The following TTC34 variants were observed in gnomAD, a reference collection of about 807,000 sequenced individuals.
TTC34 encodes tetratricopeptide repeat domain 34, also known as tetratricopeptide repeat protein 34.
TTC34 carries 44 observed loss-of-function variants against 40.7 expected under a neutral mutation model. The ratio of observed to expected loss-of-function variants is 1.08; its 90% CI spans 0.85 to 1.39. The LOEUF (loss-of-function observed/expected upper bound fraction) is 1.39, where lower values mean the gene tolerates loss of function less well. Among genes scored for constraint, TTC34 ranks in the 40% most tolerant of loss-of-function variants. TTC34 has a pLI of 0.00. For synonymous variants in TTC34, 422 were observed against 398.6 expected, an observed-to-expected ratio of 1.06 and a Z score of -0.70; for missense variants, 884 against 838.0, an observed-to-expected ratio of 1.05 and a Z score of -0.68.
intron 6 of TTC34, among the ~76,000 whole-genome samples, chr1:2,673,378 C>T (rs1639770869): frequency 1.5e-5 from 1 of 68,656 alleles, no homozygotes; most frequent in African/African-American, 5.3e-5. Context: ...ATCTGAGGGC[C>T]TGGGTCGGCA....
At chr1:2,790,099 C>T in exon 3 of TTC34, 1 of 398,170 alleles carries the variant, frequency 2.5e-6, no homozygotes, top group Non-Finnish European at 4.4e-6. Flanking sequence ...GGCCCGCATC[C>T]TCGCGGAGCT....
At chr1:2,698,527 C>A (rs917803393) in intron 6 of TTC34, among the ~76,000 whole-genome samples, 2 of 141,854 alleles carry the variant, frequency 1.4e-5, no homozygotes, top group East Asian at 2.0e-4. Context: ...GCACCCCACA[C>A]CCCCAGGTGA....
intron 6 of TTC34, among the ~76,000 whole-genome samples, chr1:2,653,679 A>G (rs1431723678): frequency 1.3e-5 from 2 of 151,786 alleles, no homozygotes; most frequent in South Asian, 4.1e-4. Flanking sequence ...AGCCTGGAAC[A>G]GCACCCACAC....
rs796107170 is a variant in TTC34 at position 2,691,142 on chromosome 1, G to A, written c.2227-45579C>T. ...GACAGCCTGGAACAGAACCCACACC[G>A]CCAGGGGAGTATCTGACAGACTGGA... On this transcript the variant is annotated intron_variant, in intron 6 of 8. Transcript: ENST00000401095. 8.2e-5 allele frequency among the ~76,000 whole-genome samples: 3 copies of A among 36,644 alleles called. 1 individual carries two copies. The highest frequency in any genetic ancestry group is 2.8e-4 in the Admixed American group (1 of 3,568). The allele number at this position is 36,644 out of a possible 152,430, so 24.0% of individuals were successfully genotyped here.
chr1:2,765,791 C>T (rs1641772994), intron 6 of TTC34, among the ~76,000 whole-genome samples: 1 of 24,182 alleles, frequency 4.1e-5, no homozygotes, highest in Non-Finnish European at 6.5e-5. Flanking sequence ...GAGCAGCGCC[C>T]ACACCCCCGG....
At chr1:2,785,913 G>C in exon 5 of TTC34, 2 of 1,536,264 alleles carry the variant, frequency 1.3e-6, no homozygotes, top group South Asian at 1.2e-5. Context: ...GGATGGCCAG[G>C]GCCCTGGCGT....
At chr1:2,791,268 G>A (rs1211117327) in intron 2 of TTC34, among the ~76,000 whole-genome samples, 1 of 152,192 alleles carries the variant, frequency 6.6e-6, no homozygotes, top group African/African-American at 2.4e-5. Context: ...GGGATACTCC[G>A]TGCTGGGCGG....
intron 8 of TTC34, among the ~76,000 whole-genome samples, chr1:2,643,598 C>T (rs1394590624): frequency 3.3e-5 from 5 of 152,020 alleles, no homozygotes; most frequent in African/African-American, 1.2e-4. Context: ...CCCCGCCCAG[C>T]CCGGCCGCCT....
At position 2,752,713 on chromosome 1, in the gene TTC34, G is replaced by T. The variant is rs1439769136; in HGVS notation, c.2226+30896C>A. 4.2e-4 allele frequency among the ~76,000 whole-genome samples: 58 copies of T among 136,930 alleles called. 5 individuals are homozygous for T. In the South Asian group the frequency reaches 0.013, roughly 30 times the overall value. The allele number at this position is 136,930 out of a possible 152,430, so 89.8% of individuals were successfully genotyped here. A position where few individuals can be genotyped will look rare whatever the true frequency, so the allele number is the denominator to read the frequency against. On this transcript the variant is annotated intron_variant, in intron 6 of 8. Transcript: ENST00000401095. ...CATACGCCCAGATGAGCATCTGACA[G>T]CATGGAACAGCACCCTGCACCCCCA...
At position 2,681,092 on chromosome 1, in the gene TTC34, C is replaced by G. The variant is rs1274341682; in HGVS notation, c.2227-35529G>C. ...CAGGCGAGCATCTGACAGCCTAGAG[C>G]AGTGCCCACACCCCCAGGTGAGCAT... is the stretch of plus-strand genomic sequence containing the variant. On this transcript the variant is annotated intron_variant, in intron 6 of 8. Transcript: ENST00000401095. 2.5e-5 allele frequency among the ~76,000 whole-genome samples: 2 copies of G among 79,922 alleles called. 1 individual carries two copies. Among genetic ancestry groups the G allele is most frequent in the Non-Finnish European group, 6.0e-5 (2 of 33,210 alleles). The allele number at this position is 79,922 out of a possible 152,430, so 52.4% of individuals were successfully genotyped here. A position where few individuals can be genotyped will look rare whatever the true frequency, so the allele number is the denominator to read the frequency against.
Position 2,682,129 on chromosome 1 carries a change from C to A in TTC34, c.2227-36566G>T, listed in dbSNP as rs9442450. On this transcript the variant is annotated intron_variant, in intron 6 of 8. Transcript: ENST00000401095. ...CACCCCCAGGTGAGCATCTGACAGC[C>A]TGGAACAGCACCCTGCACCCCCAGG... 6.2e-5 allele frequency among the ~76,000 whole-genome samples: 9 copies of A among 145,820 alleles called. No individual in the cohort carries two copies. The East Asian group carries it at 1.6e-3, about 26-fold the overall frequency.
intron 6 of TTC34, among the ~76,000 whole-genome samples, chr1:2,700,285 A>G (rs1369634499): frequency 3.6e-5 from 3 of 84,446 alleles, no homozygotes; most frequent in Non-Finnish European, 5.4e-5. Context: ...CTGGAGCAGC[A>G]CCCACACCCC....
intron 2 of TTC34, among the ~76,000 whole-genome samples, chr1:2,792,033 T>TTTA (rs1553171534): frequency 0.056 from 5,956 of 107,132 alleles, 915 homozygotes; most frequent in Non-Finnish European, 0.084. Flanking sequence ...TTTTTTTTTT[T>TTTA]AAAGACAGGG....
At chr1:2,695,033 C>CAT (rs1329481240) in intron 6 of TTC34, among the ~76,000 whole-genome samples, 1 of 105,302 alleles carries the variant, frequency 9.5e-6, no homozygotes. Flanking sequence ...GCACCCTGCA[C>CAT]CCCCAGGTGA....
intron 6 of TTC34, among the ~76,000 whole-genome samples, chr1:2,769,267 C>T (rs1191206502): frequency 1.5e-4 from 1 of 6,832 alleles, no homozygotes; most frequent in Admixed American, 9.7e-4. Flanking sequence ...CCCTACACCC[C>T]CAGGGGAGCA....
chr1:2,650,318 G>C (rs1213651390), intron 6 of TTC34, among the ~76,000 whole-genome samples: 1 of 151,128 alleles, frequency 6.6e-6, no homozygotes, highest in African/African-American at 2.4e-5. Context: ...GCATCTGACA[G>C]CCTGGAATGG....
rs527695850 is a variant in TTC34 at position 2,785,729 on chromosome 1, G to A, written c.2059+90C>T. The A allele has an allele frequency of 4.6e-5, 63 of 1,378,340 alleles. No individual in the cohort carries two copies. In the Middle Eastern group the frequency reaches 7.9e-4, roughly 17 times the overall value. The allele number at this position is 1,378,340 out of a possible 1,614,324, so 85.4% of individuals were successfully genotyped here. On this transcript the variant is annotated intron_variant, in intron 5 of 8. Coordinates refer to ENST00000401095, the Ensembl canonical transcript of TTC34. ...AGGCCCCTGCACCTGGGGAGCATGC[G>A]TGTCCCCACCAACCAGCATGGCAGA...
At chr1:2,776,451 G>C (rs1209745706) in intron 6 of TTC34, 1 of 120,056 alleles carries the variant, frequency 8.3e-6, no homozygotes, top group African/African-American at 4.1e-5. Context: ...CTGCCCCCAG[G>C]TGAGCATCTG....
In TTC34 at chr1:2,641,777, G is replaced by GCCCGCAGACGCAGGTGA; in HGVS notation, c.2814_2830dup (p.Ala944ValfsTer51). ...CTCCTGCAACTCGGCCAGGCAGGTGGCCCGCAGACGCAGGTGACAGGCACT... is the reference window on the plus strand; with the variant it reads ...CTCCTGCAACTCGGCCAGGCAGGTGGCCCGCAGACGCAGGTGACCCGCAGACGCAGGTGACAGGCACT... On this transcript the variant is annotated frameshift_variant, in exon 9 of 9. Coordinates refer to ENST00000401095, the Ensembl canonical transcript of TTC34. LOFTEE classifies it low-confidence loss of function (END_TRUNC). 6.5e-7 allele frequency: 1 copy of GCCCGCAGACGCAGGTGA among 1,535,244 alleles called. No homozygotes were observed. The highest frequency in any genetic ancestry group is 8.7e-7 in the Non-Finnish European group (1 of 1,146,538).
Sources: gnomAD v4.1 joint callset for allele counts (sites outside exome capture counted in the v4.1 genomes callset) on GRCh38, gnomAD v4.1.1 for gene constraint, MANE v1.5 for transcripts, NCBI Gene and HGNC (gene_info 2026-07-23, HGNC 2026-07-21) for gene names.